Variants in CCDC30 observed in about 807,000 individuals in gnomAD.
The protein encoded by CCDC30 is coiled-coil domain-containing protein 30.
CCDC30 carries 70 observed loss-of-function variants against 100.2 expected under a neutral mutation model. The ratio of observed to expected loss-of-function variants is 0.70; its 90% confidence interval spans 0.58 to 0.85. The LOEUF (loss-of-function observed/expected upper bound fraction) is 0.85, where lower values mean the gene tolerates loss of function less well. Ranked by LOEUF, CCDC30 falls within the 40% of genes least tolerant of loss-of-function variation. The probability of loss-of-function intolerance (pLI) is 0.00; values close to 1 mark genes in which losing one functional copy is unlikely to be tolerated. For synonymous variants in CCDC30, 233 were observed against 269.5 expected, an observed-to-expected ratio of 0.86 and a Z score of 1.33; for missense variants, 652 against 771.2, an observed-to-expected ratio of 0.85 and a Z score of 1.83.
chr1:42,655,159 T>C (rs1220980240), downstream of CCDC30, among the ~76,000 whole-genome samples: 2 of 152,236 alleles, frequency 1.3e-5, no homozygotes, highest in South Asian at 4.1e-4. Context: ...CGCCATATGA[T>C]ATTCAATCAT....
intron 6 of CCDC30, among the ~76,000 whole-genome samples, chr1:42,562,169 C>T (rs1049307212): frequency 3.9e-5 from 6 of 152,120 alleles, no homozygotes; most frequent in Non-Finnish European, 8.8e-5. Flanking sequence ...GCAAAAAGAA[C>T]AAAGCTGGAG....
At chr1:42,482,840 A>T in intron 3 of CCDC30, 24 bp downstream of exon 3, 1 of 1,226,458 alleles carries the variant, frequency 8.2e-7, no homozygotes, top group Non-Finnish European at 1.0e-6. Flanking sequence ...TCAGATGACC[A>T]TTTCCGATCA....
At chr1:42,480,862 A>G (rs1053474457) in intron 2 of CCDC30, among the ~76,000 whole-genome samples, 3 of 152,272 alleles carry the variant, frequency 2.0e-5, no homozygotes, top group East Asian at 3.9e-4. Flanking sequence ...GCTCATGCCT[A>G]TAATCCCAGC....
intron 7 of CCDC30, among the ~76,000 whole-genome samples, chr1:42,570,666 T>C (rs891677918): frequency 6.6e-6 from 1 of 152,126 alleles, no homozygotes; most frequent in Non-Finnish European, 1.5e-5. Flanking sequence ...ATGAATCTCA[T>C]ACAATATAGT....
chr1:42,544,085 G>A (rs1185317591), intron 6 of CCDC30, among the ~76,000 whole-genome samples: 1 of 152,150 alleles, frequency 6.6e-6, no homozygotes, highest in East Asian at 1.9e-4. Flanking sequence ...CAGACACGGG[G>A]TCTTGCTATG....
chr1:42,615,786 TC>T (rs555836865), intron 11 of CCDC30, among the ~76,000 whole-genome samples: 186 of 152,338 alleles, frequency 1.2e-3, no homozygotes, highest in African/African-American at 4.2e-3. Context: ...AGCATGTACT[TC>T]CTGTCAACCT....
At chr1:42,595,584 A>G (rs1180924055) in intron 10 of CCDC30, 3 of 152,126 alleles carry the variant, frequency 2.0e-5, no homozygotes, top group African/African-American at 7.2e-5. Context: ...CAAAAGATAA[A>G]GCAAATCCAT....
At chr1:42,499,999 C>G (rs1423772677) in intron 6 of CCDC30, among the ~76,000 whole-genome samples, 2 of 152,208 alleles carry the variant, frequency 1.3e-5, no homozygotes, top group African/African-American at 4.8e-5. Context: ...CATGCAAGTT[C>G]TTTCCTTCCC....
chr1:42,512,678 A>T (rs1644497376), intron 6 of CCDC30, among the ~76,000 whole-genome samples: 1 of 152,192 alleles, frequency 6.6e-6, no homozygotes, highest in African/African-American at 2.4e-5. Context: ...CACCCAGTCA[A>T]GCAGTCAGAG....
intron 6 of CCDC30, among the ~76,000 whole-genome samples, chr1:42,517,508 G>A (rs1288661261): frequency 6.6e-6 from 1 of 152,194 alleles, no homozygotes; most frequent in Non-Finnish European, 1.5e-5. Flanking sequence ...TAGTCATGGA[G>A]AGTTCCCCCT....
At chr1:42,540,561 A>G (rs888607473) in intron 6 of CCDC30, among the ~76,000 whole-genome samples, 8 of 152,156 alleles carry the variant, frequency 5.3e-5, no homozygotes, top group Non-Finnish European at 1.2e-4. Flanking sequence ...AGAAAAAATT[A>G]TGAAAGTACA....
At chr1:42,458,976 A>G (rs1643322561), upstream of CCDC30, among the ~76,000 whole-genome samples, 3 of 152,196 alleles carry the variant, frequency 2.0e-5, no homozygotes, top group Admixed American at 2.0e-4. Flanking sequence ...GTATGAACAG[A>G]TTATTTGTAT....
At chr1:42,610,719 G>A (rs147169366) in intron 10 of CCDC30, among the ~76,000 whole-genome samples, 110 of 152,170 alleles carry the variant, frequency 7.2e-4, no homozygotes, top group Admixed American at 1.5e-3. Flanking sequence ...GTCATCACAC[G>A]CGGCCTTGGA....
intron 1 of CCDC30, among the ~76,000 whole-genome samples, chr1:42,475,209 C>T (rs1349705025): frequency 6.6e-6 from 1 of 152,082 alleles, no homozygotes; most frequent in Non-Finnish European, 1.5e-5. Flanking sequence ...AGCCAGATGC[C>T]AACACTTGAG....
intron 6 of CCDC30, chr1:42,539,290 A>T: frequency 6.3e-7 from 1 of 1,594,698 alleles, no homozygotes; most frequent in African/African-American, 1.3e-5. Context: ...ACAAAGAGAG[A>T]ATTCTGAATT....
chr1:42,491,860 TA>T, intron 4 of CCDC30: 1 of 388,038 alleles, frequency 2.6e-6, no homozygotes, highest in Non-Finnish European at 4.9e-6. Flanking sequence ...ATGTTCAATA[TA>T]AGAAATATTG....
chr1:42,642,408 C>T, intron 12 of CCDC30, 65 bp from the exon 17 acceptor site: 9 of 1,334,152 alleles, frequency 6.7e-6, no homozygotes, highest in Non-Finnish European at 8.9e-6. Context: ...TAGAAACAGG[C>T]TTATGCTCTT....
At chr1:42,521,696 T>C (rs1375607199) in intron 6 of CCDC30, among the ~76,000 whole-genome samples, 1 of 152,120 alleles carries the variant, frequency 6.6e-6, no homozygotes, top group African/African-American at 2.4e-5. Context: ...CTCCCTTCAA[T>C]TCTGTAAATT....
Position 42,566,332 on chromosome 1 carries a change from C to T in CCDC30, c.493C>T (p.Gln165Ter), listed in dbSNP as rs1339399451. The change falls in exon 7 of 17, where the codon CAA becomes TAA. Residue 165 changes from glutamine to a stop codon, truncating the protein, a stop_gained. Coordinates refer to ENST00000668663, the Ensembl canonical transcript of CCDC30. LOFTEE classifies it high-confidence loss of function. Reference sequence around the variant, plus strand: ...TGGAGAAAAACTAAAATACAACCAGCAAGGGGAAGTACAACAACTTCACCA... The same window carrying T: ...TGGAGAAAAACTAAAATACAACCAGTAAGGGGAAGTACAACAACTTCACCA... 1.2e-6 allele frequency: 2 copies of T among 1,613,590 alleles called. No homozygotes were observed. The highest frequency in any genetic ancestry group is 2.7e-5 in the African/African-American group (2 of 74,908).
Sources: allele counts gnomAD v4.1 joint callset (sites outside exome capture counted in the v4.1 genomes callset), GRCh38; gene constraint gnomAD v4.1.1; transcripts MANE v1.5; gene names NCBI Gene and HGNC (gene_info 2026-07-23, HGNC 2026-07-21).